Variants in ARMC8 observed in about 807,000 individuals in gnomAD.
ARMC8 encodes the protein armadillo repeat containing 8.
Under a neutral mutation model 99.3 loss-of-function variants are expected in ARMC8, and 20 were observed. The observed-to-expected ratio is 0.20, with a 90% CI of 0.14 to 0.29. ARMC8 has a LOEUF of 0.29. Ranked by LOEUF, ARMC8 falls within the 10% of genes least tolerant of loss-of-function variation. The pLI is 1.00. For missense variants in ARMC8, 569 were observed against 809.5 expected, an observed-to-expected ratio of 0.70 and a Z score of 3.60; for synonymous variants, 263 against 278.3, an observed-to-expected ratio of 0.95 and a Z score of 0.55.
At chr3:138,263,426 C>T in intron 12 of ARMC8, 1 of 275,754 alleles carries the variant, frequency 3.6e-6, no homozygotes. Flanking sequence ...ATTTCTTTTC[C>T]TTTTTCTCAA....
intron 21 of ARMC8, among the ~76,000 whole-genome samples, chr3:138,292,985 A>T (rs902083279): frequency 6.6e-6 from 1 of 152,168 alleles, no homozygotes; most frequent in African/African-American, 2.4e-5. Context: ...TTCAAAACTC[A>T]TATCAGGTTG....
At chr3:138,198,523 A>ATTT (rs1553749141) in intron 1 of ARMC8, among the ~76,000 whole-genome samples, 3 of 124,232 alleles carry the variant, frequency 2.4e-5, no homozygotes, top group Non-Finnish European at 3.4e-5. Context: ...TATTATTATT[A>ATTT]TTTTTTGAGA....
At chr3:138,256,402 CTTTTTT>C (rs71146121) in intron 12 of ARMC8, among the ~76,000 whole-genome samples, 2 of 90,302 alleles carry the variant, frequency 2.2e-5, no homozygotes, top group Admixed American at 1.4e-4. Flanking sequence ...TTTCCTCCTT[CTTTTTT>C]TTTTTTTTTT....
chr3:138,198,619 T>C (rs975212672), intron 1 of ARMC8, among the ~76,000 whole-genome samples: 65 of 151,994 alleles, frequency 4.3e-4, no homozygotes, highest in African/African-American at 2.4e-5. Flanking sequence ...TTCAAGTGAT[T>C]CTCCTGCCTC....
intron 21 of ARMC8, among the ~76,000 whole-genome samples, chr3:138,294,611 C>T (rs2051293828): frequency 6.6e-6 from 1 of 152,178 alleles, no homozygotes; most frequent in Non-Finnish European, 1.5e-5. Flanking sequence ...CACTTGAATC[C>T]AGCTTATTGT....
chr3:138,248,130 G>T (rs964440377), intron 12 of ARMC8, among the ~76,000 whole-genome samples: 2 of 152,152 alleles, frequency 1.3e-5, no homozygotes, highest in African/African-American at 4.8e-5. Flanking sequence ...GGAAAGAGTT[G>T]TGCAGGTGAG....
chr3:138,291,358 A>G (rs780639004), intron 21 of ARMC8, among the ~76,000 whole-genome samples: 4 of 152,196 alleles, frequency 2.6e-5, no homozygotes, highest in Non-Finnish European at 4.4e-5. Flanking sequence ...GTCCGCTTAC[A>G]GTAGCACACC....
chr3:138,226,833 A>G (rs567506116), intron 5 of ARMC8, among the ~76,000 whole-genome samples: 1 of 152,334 alleles, frequency 6.6e-6, no homozygotes, highest in East Asian at 1.9e-4. Context: ...CAGCTGTTTT[A>G]CATGAGAAAA....
At chr3:138,188,493 AT>A (rs1484737480) in intron 1 of ARMC8, 22 of 1,613,710 alleles carry the variant, frequency 1.4e-5, no homozygotes, top group Non-Finnish European at 1.9e-5. Context: ...ACTTCGAAGG[AT>A]TTTGCAACAA....
chr3:138,218,178 AC>A (rs2045184516), intron 2 of ARMC8, among the ~76,000 whole-genome samples: 1 of 152,178 alleles, frequency 6.6e-6, no homozygotes, highest in South Asian at 2.1e-4. Flanking sequence ...ATGATAGTTT[AC>A]CTAATGAATG....
Position 138,187,760 on chromosome 3 carries a change from A to AC in ARMC8, c.45+162dup. 3.9e-6 allele frequency: 3 copies of AC among 775,160 alleles called. No homozygotes were observed. The South Asian group carries it at 5.4e-5, about 14-fold the overall frequency. 48.0% of individuals were successfully genotyped at this position (775,160 alleles called of 1,614,324 possible). On this transcript the variant is annotated intron_variant, in intron 1 of 21. Transcript: ENST00000469044. Reference sequence around the variant, plus strand: ...GAGCGAGGGTGGAGAGGCGGGATAGACGGGCAGAGGGGACCGCGGCCGAGC... The same window carrying AC: ...GAGCGAGGGTGGAGAGGCGGGATAGACCGGGCAGAGGGGACCGCGGCCGAGC...
At chr3:138,221,849 A>G in intron 2 of ARMC8, 77 bp from the exon 3 acceptor site, 2 of 1,122,672 alleles carry the variant, frequency 1.8e-6, no homozygotes, top group Non-Finnish European at 1.3e-6. Context: ...AAGATATTGC[A>G]TAATGAAGTA....
chr3:138,225,389 G>A (rs973241604), intron 5 of ARMC8, among the ~76,000 whole-genome samples: 2 of 152,060 alleles, frequency 1.3e-5, no homozygotes. Context: ...GATTACAGGC[G>A]TGTGAGCCAC....
chr3:138,262,407 G>T, intron 12 of ARMC8: 1 of 1,073,102 alleles, frequency 9.3e-7, no homozygotes, highest in Non-Finnish European at 1.3e-6. Flanking sequence ...GTGGTTCCCT[G>T]TTCTTAATAG....
At chr3:138,258,710 A>G (rs915417559) in intron 12 of ARMC8, among the ~76,000 whole-genome samples, 46 of 152,366 alleles carry the variant, frequency 3.0e-4, no homozygotes, top group African/African-American at 1.1e-3. Context: ...AAAGCATGTC[A>G]TAAAAGCTAA....
At chr3:138,281,320 G>A (rs1178336698) in intron 18 of ARMC8, among the ~76,000 whole-genome samples, 1 of 150,368 alleles carries the variant, frequency 6.7e-6, no homozygotes, top group African/African-American at 2.5e-5. Flanking sequence ...TTGATAGAGA[G>A]TCTCACTCTG....
chr3:138,194,286 G>A (rs1229189307), intron 1 of ARMC8, among the ~76,000 whole-genome samples: 5 of 150,062 alleles, frequency 3.3e-5, no homozygotes, highest in Non-Finnish European at 5.9e-5. Context: ...CTCGTGATCC[G>A]CCCGCCGCGG....
intron 9 of ARMC8, chr3:138,238,667 A>G (rs188849030): frequency 6.6e-6 from 1 of 152,348 alleles, no homozygotes; most frequent in East Asian, 1.9e-4. Context: ...CAGAAAAACA[A>G]TATGGTAACA....
At chr3:138,231,190 C>T (rs925098575) in intron 6 of ARMC8, among the ~76,000 whole-genome samples, 1 of 152,082 alleles carries the variant, frequency 6.6e-6, no homozygotes, top group Non-Finnish European at 1.5e-5. Flanking sequence ...ACAACTTTAC[C>T]GATATACTGA....
Sources: allele counts gnomAD v4.1 joint callset (sites outside exome capture counted in the v4.1 genomes callset), GRCh38; gene constraint gnomAD v4.1.1; transcripts MANE v1.5; gene names NCBI Gene and HGNC (gene_info 2026-07-23, HGNC 2026-07-21).